ALDH3A1: variants seen among roughly 807,000 people sequenced by gnomAD.
The protein encoded by ALDH3A1 is aldehyde dehydrogenase 3 family member A1, also known as aldehyde dehydrogenase, dimeric NADP-preferring.
Under a neutral mutation model 49.9 loss-of-function variants are expected in ALDH3A1, and 46 were observed. The ratio of observed to expected loss-of-function variants is 0.92; its 90% CI spans 0.73 to 1.18. The LOEUF is 1.18. Among genes scored for constraint, ALDH3A1 ranks in the 50% most tolerant of loss-of-function variants. The pLI is 0.00. For synonymous variants in ALDH3A1, 269 were observed against 253.3 expected (o/e 1.06, Z -0.59); for missense variants, 592 against 611.8 (o/e 0.97, Z 0.34).
In ALDH3A1 at chr17:19,743,428, G is replaced by A. The variant is rs1358833091; in HGVS notation, c.198C>T (p.Tyr66=). 8 of 1,610,332 alleles carry A rather than the reference G, an allele frequency of 5.0e-6. No individual in the cohort carries two copies. Among genetic ancestry groups the A allele is most frequent in the East Asian group, 4.5e-5 (2 of 44,794 alleles). Residue 66 remains tyrosine, a synonymous_variant, in exon 3 of 11, where the codon TAC becomes TAT. Coordinates refer to ENST00000225740, the MANE Select transcript of ALDH3A1 (RefSeq NM_000691.5). The surrounding 1 kb of genome is among the most constrained non-coding windows in gnomAD (Gnocchi z 4.4). The stretch of plus-strand genomic sequence containing the variant: ...TCATGTACTCGATCTCCTCTAGGAC[G>A]TACACCACCTCCTCATAGTAGGCGT... ...EWNAYYEEVV[Y]VLEEIEYMIQ...
intron 1 of ALDH3A1, among the ~76,000 whole-genome samples, chr17:19,747,273 G>T (rs531898438): frequency 1.8e-3 from 274 of 152,178 alleles, no homozygotes; most frequent in African/African-American, 6.3e-3. Context: ...GCACAGGGAG[G>T]AGGGACCTGC....
intron 5 of ALDH3A1, 72 bp downstream of exon 5, chr17:19,741,932 C>T: frequency 6.9e-7 from 1 of 1,458,640 alleles, no homozygotes; most frequent in Non-Finnish European, 9.5e-7. Context: ...GGACCCACAG[C>T]ATGAGGTGCA....
intron 2 of ALDH3A1, 168 bp downstream of exon 2, chr17:19,744,791 GGGGGCGCGC>G: frequency 1.5e-6 from 2 of 1,369,404 alleles, no homozygotes; most frequent in Non-Finnish European, 1.9e-6. Flanking sequence ...AAGAGGCGGC[GGGGGCGCGC>G]GGGGCGCGGC....
At chr17:19,744,921 T>G in intron 2 of ALDH3A1, 47 bp downstream of exon 2, 3 of 258,716 alleles carry the variant, frequency 1.2e-5, no homozygotes, top group Non-Finnish European at 1.0e-5. Flanking sequence ...CCACGCCCCA[T>G]CGCATGGCCC....
At chr17:19,746,785 G>A (rs907152648) in intron 1 of ALDH3A1, among the ~76,000 whole-genome samples, 2 of 152,132 alleles carry the variant, frequency 1.3e-5, no homozygotes, top group East Asian at 3.9e-4. Context: ...GGACTAGAAC[G>A]GTAGCCCCCG....
intron 2 of ALDH3A1, chr17:19,744,488 C>T: frequency 3.0e-6 from 3 of 985,382 alleles, no homozygotes; most frequent in Non-Finnish European, 3.6e-6. Flanking sequence ...AGCGCTGGAC[C>T]CCAGGCAGCA....
chr17:19,740,242 T>TGC, intron 7 of ALDH3A1, 94 bp downstream of exon 7: 1 of 1,541,266 alleles, frequency 6.5e-7, no homozygotes, highest in Non-Finnish European at 8.8e-7. Context: ...CGAGGTCGTG[T>TGC]CCGCTTATCA....
In ALDH3A1 at chr17:19,742,609, G is replaced by A. The variant is rs146746671; in HGVS notation, c.416C>T (p.Pro139Leu). Reference sequence around the variant, plus strand: ...CGCCATGTTCTCACTCAGCTCCGAGGGCTTGAGGACCACTGAGTTCCCTGC... The same window carrying A: ...CGCCATGTTCTCACTCAGCTCCGAGAGCTTGAGGACCACTGAGTTCCCTGC... ...IAAGNSVVLK[P>L]SELSENMASL... Residue 139 changes from proline (P) to leucine (L), a missense_variant, in exon 4 of 11, where the codon CCC becomes CTC. Pro to Leu is a moderately conservative substitution (Grantham distance 98). Coordinates refer to ENST00000225740, the MANE Select transcript of ALDH3A1 (RefSeq NM_000691.5). 94 of 1,613,994 alleles carry A rather than the reference G, an allele frequency of 5.8e-5. No individual in the cohort carries two copies. The African/African-American group carries it at 1.2e-3, about 20-fold the overall frequency.
rs186704435 is a variant in ALDH3A1 at position 19,741,409 on chromosome 17, G to A, written c.690-199C>T. On this transcript the variant is annotated intron_variant, in intron 5 of 10. Transcript: ENST00000225740. ...CCCTGATCATGTTCACCGGCGACTG[G>A]TGGGGAATTTCTAGAGGACGTCTGT... 15 of 527,314 alleles carry A rather than the reference G, an allele frequency of 2.8e-5. No individual in the cohort carries two copies. In the East Asian group the frequency reaches 3.8e-4, roughly 13 times the overall value. 32.7% of individuals were successfully genotyped at this position (527,314 alleles called of 1,614,324 possible).
chr17:19,742,046 G>A lies in ALDH3A1; in HGVS notation c.647C>T (p.Pro216Leu). ...GTCACAGTTCTTGTCCACGTAGCAG[G>A]GACTCTTCCCTCCCAGCTCCAGCGT... ...PVTLELGGKS[P>L]CYVDKNCDLD... Residue 216 changes from proline to leucine, a missense_variant, in exon 5 of 11, where the codon CCC (proline) becomes CTC (leucine). By Grantham distance (98) the Pro-to-Leu change is moderately conservative. Transcript: ENST00000225740. 6.2e-7 allele frequency: 1 copy of A among 1,613,976 alleles called. No homozygotes were observed. The highest frequency in any genetic ancestry group is 8.5e-7 in the Non-Finnish European group (1 of 1,180,022).
chr17:19,739,650 T>A lies in ALDH3A1; in HGVS notation c.974A>T (p.Asp325Val). ...YIAPTILTDVDPQSPVMQEEI... is the reference protein window; with the variant it reads ...YIAPTILTDVVPQSPVMQEEI... The stretch of plus-strand genomic sequence containing the variant: ...CTCTTGCATCACCGGGGACTGGGGG[T>A]CCACGTCCGTGAGGATGGTGGGGGC... Residue 325 changes from aspartate (D) to valine (V), a missense_variant, in exon 8 of 11, where the codon GAC (aspartate) becomes GTC (valine). Coordinates refer to ENST00000225740, the MANE Select transcript of ALDH3A1 (RefSeq NM_000691.5). The A allele has an allele frequency of 6.2e-7, 1 of 1,613,548 alleles. No individual in the cohort carries two copies. Among genetic ancestry groups the A allele is most frequent in the East Asian group, 2.2e-5 (1 of 44,864 alleles).
At position 19,739,609 on chromosome 17, in the gene ALDH3A1, C is replaced by T. The variant is rs753634547; in HGVS notation, c.1015G>A (p.Val339Met). 3.1e-6 allele frequency: 5 copies of T among 1,613,866 alleles called. No homozygotes were observed. The highest frequency in any genetic ancestry group is 3.4e-6 in the Non-Finnish European group (4 of 1,179,990). Residue 339 changes from valine (V) to methionine (M), a missense_variant, in exon 8 of 11, where the codon GTG becomes ATG. By Grantham distance (21) the Val-to-Met change is conservative (BLOSUM62 1). Transcript: ENST00000225740. ...CTGCGCACGCACACGATGGGCAGCA[C>T]AGGCCCGAAGATCTCCTCTTGCATC... ...PVMQEEIFGP[V>M]LPIVCVRSLE...
At chr17:19,744,913 A>AGGGCC in intron 2 of ALDH3A1, 55 bp downstream of exon 2, 1 of 385,584 alleles carries the variant, frequency 2.6e-6, no homozygotes, top group Non-Finnish European at 3.5e-6. Context: ...CCCTCCCCCC[A>AGGGCC]CGCCCCATCG....
chr17:19,741,005 T>G, intron 6 of ALDH3A1, 88 bp downstream of exon 6: 1 of 987,912 alleles, frequency 1.0e-6, no homozygotes, highest in Non-Finnish European at 1.6e-6. Context: ...ATCCAGTGTT[T>G]CCAAATCTGT....
In ALDH3A1 at chr17:19,741,097, A is replaced by G; in HGVS notation, c.803T>C (p.Leu268Pro). 1 of 1,613,598 alleles carries G rather than the reference A, an allele frequency of 6.2e-7. No homozygotes were observed. Residue 268 changes from leucine (L) to proline (P), a missense_variant, in exon 6 of 11, where the codon CTG becomes CCG. Transcript: ENST00000225740. Reference sequence around the variant, plus strand: ...TGCCAAGGGGTCAACACTCACTTTCAGTGACTTCTTGAGCTTCTCCACAAT... The same window carrying G: ...TGCCAAGGGGTCAACACTCACTTTCGGTGACTTCTTGAGCTTCTCCACAAT... ...NQIVEKLKKS[L>P]KEFYGEDAKK... is the part of the protein sequence containing the mutation.
At chr17:19,745,428 T>G in intron 1 of ALDH3A1, 1 of 391,826 alleles carries the variant, frequency 2.6e-6, no homozygotes, top group Non-Finnish European at 4.6e-6. Context: ...TTCCCGGCCT[T>G]TTCCGCTCCC....
chr17:19,738,864 A>G (rs2086436275), intron 9 of ALDH3A1, 132 bp downstream of exon 9: 1 of 754,502 alleles, frequency 1.3e-6, no homozygotes, highest in Non-Finnish European at 2.2e-6. Flanking sequence ...CGCAGAGGCC[A>G]AGGTCCAAAT....
Position 19,738,161 on chromosome 17 carries a change from G to A in ALDH3A1, c.*60C>T. The A allele has an allele frequency of 1.2e-6, 2 of 1,612,536 alleles. No homozygotes were observed. Among genetic ancestry groups the A allele is most frequent in the Non-Finnish European group, 1.7e-6 (2 of 1,179,972 alleles). ...TTCTCCCAGGGCCAGGAGAGCCAGTGAGGGTGGTCCGCACTCCGATGGGAC... is the reference window on the plus strand; with the variant it reads ...TTCTCCCAGGGCCAGGAGAGCCAGTAAGGGTGGTCCGCACTCCGATGGGAC... On this transcript the variant is annotated 3_prime_UTR_variant, in exon 11 of 11. Transcript: ENST00000225740.
At chr17:19,745,284 C>T (rs1462879786) in intron 1 of ALDH3A1, 150 bp from the exon 2 acceptor site, 2 of 803,976 alleles carry the variant, frequency 2.5e-6, no homozygotes, top group African/African-American at 1.8e-5. Context: ...GCCTCGCCTC[C>T]TCTCCCGCCC....
Sources: gnomAD v4.1 joint callset for allele counts (sites outside exome capture counted in the v4.1 genomes callset) on GRCh38, gnomAD v4.1.1 for gene constraint, Gnocchi (gnomAD v3.1) non-coding constraint, MANE v1.5 for transcripts, NCBI Gene and HGNC (gene_info 2026-07-23, HGNC 2026-07-21) for gene names.